RTN1: variants seen among roughly 807,000 people sequenced by gnomAD.
The protein encoded by RTN1 is reticulon 1.
RTN1 carries 25 observed loss-of-function variants against 65.5 expected under a neutral mutation model. The observed-to-expected ratio is 0.38, with a 90% CI of 0.28 to 0.53. RTN1 has a LOEUF of 0.53. Ranked by LOEUF, RTN1 falls within the 20% of genes least tolerant of loss-of-function variation. The pLI is 0.79. For missense variants in RTN1, 983 were observed against 1,025.4 expected, an observed-to-expected ratio of 0.96 and a Z score of 0.57; for synonymous variants, 471 against 447.6, an observed-to-expected ratio of 1.05 and a Z score of -0.66.
chr14:59,822,986 G>T (rs1431722888), intron 1 of RTN1, among the ~76,000 whole-genome samples: 2 of 151,964 alleles, frequency 1.3e-5, no homozygotes, highest in Non-Finnish European at 2.9e-5. Context: ...TGTTGCTGTT[G>T]GGTGGAGTAT....
chr14:59,619,869 TGAAAG>T (rs1447800504), intron 3 of RTN1, among the ~76,000 whole-genome samples: 1 of 152,004 alleles, frequency 6.6e-6, no homozygotes, highest in Non-Finnish European at 1.5e-5. Flanking sequence ...ATTTGGAGAC[TGAAAG>T]GAAGGTCATT....
At chr14:59,762,171 G>C (rs74058791) in intron 1 of RTN1, among the ~76,000 whole-genome samples, 2,105 of 152,172 alleles carry the variant, frequency 0.014, 52 homozygotes, top group African/African-American at 0.047. Context: ...GCATTCCATC[G>C]TAGAAAAATC....
At chr14:59,858,857 A>G (rs954483891) in intron 1 of RTN1, among the ~76,000 whole-genome samples, 1 of 152,240 alleles carries the variant, frequency 6.6e-6, no homozygotes, top group Non-Finnish European at 1.5e-5. Flanking sequence ...TATTTATGAA[A>G]CTAGATTCAG....
rs765134472 is a variant in RTN1 at position 59,726,990 on chromosome 14, G to A, written c.1694C>T (p.Ala565Val). Residue 565 changes from alanine to valine, a missense_variant, in exon 3 of 9, where the codon GCG (alanine) becomes GTG (valine). Physicochemically the swap from Ala to Val is moderately conservative, Grantham distance 64. Around this residue, in one of 2 missense-constraint regions of RTN1, gnomAD observed 818 missense variants for 801.8 expected, o/e 1.02. Transcript: ENST00000267484. The stretch of plus-strand genomic sequence containing the variant: ...TAGAGGCCCAGGGCCCTTTGTGGCC[G>A]CAGGACTTTGGTTGGAACTCGAGTC... ...EEDSSSNQSP[A>V]ATKGPGPLGP... 3.1e-6 allele frequency: 5 copies of A among 1,613,180 alleles called. No individual in the cohort carries two copies. The highest frequency in any genetic ancestry group is 1.1e-5 in the South Asian group (1 of 90,876).
rs1881391981 is a variant in RTN1 at position 59,596,235 on chromosome 14, G to A, written c.*510C>T. The A allele has an allele frequency of 6.5e-6, 1 of 152,728 alleles. No individual in the cohort carries two copies. Among genetic ancestry groups the A allele is most frequent in the African/African-American group, 2.4e-5 (1 of 41,434 alleles). The allele number at this position is 152,728 out of a possible 1,614,324, so 9.5% of individuals were successfully genotyped here. A position where few individuals can be genotyped will look rare whatever the true frequency, so the allele number is the denominator to read the frequency against. On this transcript the variant is annotated 3_prime_UTR_variant, in exon 9 of 9. Coordinates refer to ENST00000267484, the MANE Select transcript of RTN1 (RefSeq NM_021136.3). ...AGTTATACAAAACTGATTACCATAA[G>A]TGCGGTCGACTGCTTTTATTTTTAC... is the stretch of plus-strand genomic sequence containing the variant.
intron 3 of RTN1, among the ~76,000 whole-genome samples, chr14:59,622,693 G>A (rs1281346346): frequency 6.6e-6 from 1 of 152,176 alleles, no homozygotes; most frequent in African/African-American, 2.4e-5. Flanking sequence ...CATTAAACTG[G>A]AGAAAGAAAA....
intron 2 of RTN1, among the ~76,000 whole-genome samples, chr14:59,741,589 A>G (rs1034256315): frequency 1.9e-4 from 29 of 152,340 alleles, no homozygotes; most frequent in African/African-American, 6.7e-4. Context: ...AAATAGATGA[A>G]AGAATAAATG....
rs895000656 is a variant in RTN1, at chr14:59,766,922, C to A, written c.242-20441G>T. On this transcript the variant is annotated intron_variant, in intron 1 of 8. Coordinates refer to ENST00000267484, the MANE Select transcript of RTN1 (RefSeq NM_021136.3). The surrounding 1 kb of genome is among the most constrained non-coding windows in gnomAD (Gnocchi z 4.4). ...TTTAACTCCACCCATCCCAGTATATCGGGCACTGAGCACCTACTATGTGGT... is the reference window on the plus strand; with the variant it reads ...TTTAACTCCACCCATCCCAGTATATAGGGCACTGAGCACCTACTATGTGGT... 6.6e-6 allele frequency among the ~76,000 whole-genome samples: 1 copy of A among 152,192 alleles called. No individual in the cohort carries two copies. The highest frequency in any genetic ancestry group is 3.2e-3 in the Middle Eastern group (1 of 316).
rs1204093494 is a variant in RTN1 at position 59,790,474 on chromosome 14, T to C, written c.242-43993A>G. Among the ~76,000 whole-genome samples the C allele has an allele frequency of 6.6e-6, 1 of 152,160 alleles. No homozygotes were observed. On this transcript the variant is annotated intron_variant, in intron 1 of 8. Transcript: ENST00000267484. This position sits in a 1 kb window ranked among gnomAD's most constrained non-coding sequence, Gnocchi z 4.1. Reference sequence around the variant, plus strand: ...CATAATTTTTCTCCACTTTGCCTTATTGTCTTTTGGCTTTGATTGCTGCCT... The same window carrying C: ...CATAATTTTTCTCCACTTTGCCTTACTGTCTTTTGGCTTTGATTGCTGCCT...
intron 1 of RTN1, among the ~76,000 whole-genome samples, chr14:59,814,616 A>G (rs1388674311): frequency 6.6e-6 from 1 of 152,226 alleles, no homozygotes; most frequent in African/African-American, 2.4e-5. Context: ...CTGGTCATCT[A>G]TGGCTTCAAC....
At chr14:59,831,691 A>G (rs1463142383) in intron 1 of RTN1, among the ~76,000 whole-genome samples, 1 of 151,976 alleles carries the variant, frequency 6.6e-6, no homozygotes, top group Non-Finnish European at 1.5e-5. Flanking sequence ...CATTCTATCT[A>G]TTGCTCTCTT....
intron 3 of RTN1, among the ~76,000 whole-genome samples, chr14:59,666,443 G>C (rs1883376363): frequency 6.6e-6 from 1 of 152,130 alleles, no homozygotes; most frequent in African/African-American, 2.4e-5. Flanking sequence ...TTAAAGCAGT[G>C]TGTAGAGGGA....
rs939377899 is a variant in RTN1 at position 59,803,511 on chromosome 14, C to T, written c.242-57030G>A. Among the ~76,000 whole-genome samples, 1 of 152,178 alleles carries T rather than the reference C, an allele frequency of 6.6e-6. No individual in the cohort carries two copies. Among genetic ancestry groups the T allele is most frequent in the Non-Finnish European group, 1.5e-5 (1 of 68,032 alleles). ...CCTGAATTATTCAAGTTAAATACAA[C>T]CTTCTTTGCAGGGTCTTGTCTCCCA... On this transcript the variant is annotated intron_variant, in intron 1 of 8. Coordinates refer to ENST00000267484, the MANE Select transcript of RTN1 (RefSeq NM_021136.3). The surrounding 1 kb of genome is among the most constrained non-coding windows in gnomAD (Gnocchi z 5.6).
chr14:59,789,844 A>G (rs1020744219), intron 1 of RTN1, among the ~76,000 whole-genome samples: 1 of 152,118 alleles, frequency 6.6e-6, no homozygotes, highest in Non-Finnish European at 1.5e-5. Flanking sequence ...AGAATAAAGA[A>G]CTGATAGGTA....
chr14:59,689,080 AT>A (rs1883904021), intron 3 of RTN1, among the ~76,000 whole-genome samples: 1 of 152,146 alleles, frequency 6.6e-6, no homozygotes, highest in Non-Finnish European at 1.5e-5. Context: ...TTCTTAAGCA[AT>A]CCAGGAAATG....
chr14:59,866,540 C>CT (rs5809054), intron 1 of RTN1, among the ~76,000 whole-genome samples: 60,187 of 151,866 alleles, frequency 0.4, 12,500 homozygotes, highest in East Asian at 0.64. Flanking sequence ...ATGTAAGCAT[C>CT]CTAAATTTAA....
chr14:59,743,806 C>T (rs568528472), intron 2 of RTN1, among the ~76,000 whole-genome samples: 17 of 152,246 alleles, frequency 1.1e-4, no homozygotes, highest in African/African-American at 3.6e-4. Flanking sequence ...TCGTCAGCAC[C>T]GTACAATTCC....
intron 3 of RTN1, among the ~76,000 whole-genome samples, chr14:59,635,215 T>C (rs1171864670): frequency 6.6e-6 from 1 of 152,214 alleles, no homozygotes; most frequent in Non-Finnish European, 1.5e-5. Context: ...AACAGCAGTC[T>C]TTAATAGAAC....
rs1279572075 is a variant in RTN1, at chr14:59,825,325, A to G, written c.241+45065T>C. ...ATCTGACCTCTGGGTTACCTGGTCT[A>G]TGGCCTTTGTTTACCAGCCCCAATA... On this transcript the variant is annotated intron_variant, in intron 1 of 8. Coordinates refer to ENST00000267484, the MANE Select transcript of RTN1 (RefSeq NM_021136.3). The surrounding 1 kb of genome is among the most constrained non-coding windows in gnomAD (Gnocchi z 4.2). Among the ~76,000 whole-genome samples the G allele has an allele frequency of 6.6e-6, 1 of 152,224 alleles. No individual in the cohort carries two copies. Among genetic ancestry groups the G allele is most frequent in the African/African-American group, 2.4e-5 (1 of 41,458 alleles).
Sources: gnomAD v4.1 joint callset for allele counts (sites outside exome capture counted in the v4.1 genomes callset) on GRCh38, gnomAD v4.1.1 for gene constraint, gnomAD v4.1.1 regional missense constraint, Gnocchi (gnomAD v3.1) non-coding constraint, MANE v1.5 for transcripts, NCBI Gene and HGNC (gene_info 2026-07-23, HGNC 2026-07-21) for gene names.